USE1: variants seen among roughly 807,000 people sequenced by gnomAD.
USE1 encodes the protein unconventional SNARE in the ER 1.
A neutral mutation model predicts 37.6 loss-of-function variants in USE1; 32 were observed. That is an observed-to-expected ratio of 0.85 (90% confidence interval 0.64 to 1.14). The LOEUF is 1.14. Ranked by LOEUF, USE1 falls within the 50% of genes most tolerant of loss-of-function variation. The pLI is 0.00. For missense variants in USE1, 310 were observed against 332.2 expected, an observed-to-expected ratio of 0.93 and a Z score of 0.52; for synonymous variants, 149 against 137.6, an observed-to-expected ratio of 1.08 and a Z score of -0.58.
chr19:17,218,221 C>G (rs1238251798), intron 5 of USE1, 143 bp from the exon 6 acceptor site: 2 of 1,147,224 alleles, frequency 1.7e-6, no homozygotes, highest in African/African-American at 1.6e-5. Flanking sequence ...AGGGGGTATT[C>G]AAGCATGGTC....
rs772349379 is a variant in USE1, at chr19:17,219,264, A to G, written c.474A>G (p.Leu158=). 4 of 1,613,716 alleles carry G rather than the reference A, an allele frequency of 2.5e-6. No homozygotes were observed. Among genetic ancestry groups the G allele is most frequent in the Non-Finnish European group, 3.4e-6 (4 of 1,179,854 alleles). Residue 158 remains leucine (L), a synonymous_variant, in exon 7 of 8, where the codon CTA becomes CTG. Coordinates refer to ENST00000263897, the MANE Select transcript of USE1 (RefSeq NM_018467.4). ...PVSEKQLAAE[L]DLVLQRHQNL... ...GTGAGAAGCAGTTGGCAGCTGAGCT[A>G]GACCTCGTCCTGCAGCGACATCAGA...
intron 4 of USE1, among the ~76,000 whole-genome samples, chr19:17,217,169 C>G (rs2073295814): frequency 7.0e-6 from 1 of 143,362 alleles, no homozygotes; most frequent in Admixed American, 7.2e-5. Flanking sequence ...GAGATTCGCT[C>G]TTGTTGCCCA....
chr19:17,216,015 A>G lies in USE1; in HGVS notation c.176A>G (p.Asn59Ser), dbSNP rs760225078. 2.0e-5 allele frequency: 32 copies of G among 1,608,722 alleles called. No homozygotes were observed. In the East Asian group the frequency reaches 4.9e-4, roughly 25 times the overall value. Residue 59 changes from asparagine to serine, a missense_variant, in exon 3 of 8, where the codon AAT (asparagine) becomes AGT (serine). By Grantham distance (46) the Asn-to-Ser change is conservative. Coordinates refer to ENST00000263897, the MANE Select transcript of USE1 (RefSeq NM_018467.4). ...AGCAAACCGGCCTCTGAGGTGATCA[A>G]TGAATATTCCTGGAAGGTGGATTTT... ...HASKPASEVI[N>S]EYSWKVDFLK...
intron 2 of USE1, 62 bp downstream of exon 2, chr19:17,215,913 G>C (rs368739262): frequency 2.5e-6 from 4 of 1,586,448 alleles, no homozygotes; most frequent in Admixed American, 1.8e-5. Context: ...GGACATCCCA[G>C]TACCGCTATC....
Position 17,217,434 on chromosome 19 carries a change from CACTT to C in USE1, c.385-14_385-11del. 1.2e-6 allele frequency: 2 copies of C among 1,610,414 alleles called. No individual in the cohort carries two copies. Among genetic ancestry groups the C allele is most frequent in the South Asian group, 2.2e-5 (2 of 90,540 alleles). On this transcript the variant is annotated splice_polypyrimidine_tract_variant and intron_variant, in intron 4 of 7. Coordinates refer to ENST00000263897, the MANE Select transcript of USE1 (RefSeq NM_018467.4). ...TGAGCCACTGCACCCAGCCTCATGC[CACTT>C]ACTTCTTTCCACAGGACTCTGCAGG...
At chr19:17,219,126 CAAAAAA>C in intron 6 of USE1, 81 bp from the exon 7 acceptor site, 2 of 1,320,744 alleles carry the variant, frequency 1.5e-6, no homozygotes, top group Non-Finnish European at 9.9e-7. Flanking sequence ...GACTCTGTAT[CAAAAAA>C]AAAAAAAAAG....
chr19:17,217,298 C>T (rs895056032), intron 4 of USE1, among the ~76,000 whole-genome samples, 155 bp from the exon 5 acceptor site: 15 of 151,838 alleles, frequency 9.9e-5, no homozygotes, highest in African/African-American at 3.6e-4. Context: ...CCACACCTGG[C>T]TAACTTTTTG....
intron 6 of USE1, 114 bp from the exon 7 acceptor site, chr19:17,219,099 C>A (rs2073308566): frequency 8.5e-6 from 12 of 1,411,482 alleles, no homozygotes; most frequent in Non-Finnish European, 1.1e-5. Flanking sequence ...TGCACTCCAG[C>A]CTGGGCAACA....
intron 2 of USE1, 43 bp from the exon 3 acceptor site, chr19:17,215,949 G>C: frequency 1.3e-6 from 2 of 1,583,328 alleles, no homozygotes; most frequent in Non-Finnish European, 1.7e-6. Flanking sequence ...CCCTGAGCTG[G>C]GGACCATGGA....
At position 17,215,849 on chromosome 19, in the gene USE1, G is replaced by C. The variant is rs373693150; in HGVS notation, c.150G>C (p.Ala50=). 1 of 1,608,600 alleles carries C rather than the reference G, an allele frequency of 6.2e-7. No individual in the cohort carries two copies. Among genetic ancestry groups the C allele is most frequent in the African/African-American group, 1.3e-5 (1 of 74,788 alleles). The change falls in exon 2 of 8, where the codon GCG becomes GCC. Residue 50 remains alanine, a splice_region_variant and synonymous_variant. Transcript: ENST00000263897. ...TGTTGCAGGCCCTGAAGGTCCACGC[G>C]AGGTGAGTGCAGGCAGCCTCAGGGC... is the stretch of plus-strand genomic sequence containing the variant. ...EDMLQALKVH[A]SKPASEVINE...
chr19:17,215,481 G>A lies in USE1; in HGVS notation c.76G>A (p.Asp26Asn). The change falls in exon 1 of 8, where the codon GAC becomes AAC. Residue 26 changes from aspartate to asparagine, a missense_variant. By Grantham distance (23) the Asp-to-Asn change is conservative (BLOSUM62 1). Transcript: ENST00000263897. ...RCEAMAAEKR[D>N]PDEWRLEKYV... Reference sequence around the variant, plus strand: ...CGAGGCGATGGCAGCGGAGAAACGGGACCCGGACGAGTGGCGCCTGGAGAA... The same window carrying A: ...CGAGGCGATGGCAGCGGAGAAACGGAACCCGGACGAGTGGCGCCTGGAGAA... 6.4e-7 allele frequency: 1 copy of A among 1,563,412 alleles called. No homozygotes were observed. Among genetic ancestry groups the A allele is most frequent in the African/African-American group, 1.4e-5 (1 of 73,646 alleles).
intron 7 of USE1, 27 bp downstream of exon 7, chr19:17,219,414 C>A: frequency 6.5e-7 from 1 of 1,541,404 alleles, no homozygotes; most frequent in Non-Finnish European, 8.8e-7. Flanking sequence ...AGCTCTCCAG[C>A]CTCTGCCCTG....
chr19:17,215,707 G>T (rs892262573), intron 1 of USE1, 95 bp from the exon 2 acceptor site: 6 of 919,032 alleles, frequency 6.5e-6, no homozygotes, highest in Admixed American at 3.2e-5. Context: ...CCTCCTTTAC[G>T]CTTGACCCCT....
intron 6 of USE1, 149 bp from the exon 7 acceptor site, chr19:17,219,064 T>G (rs1599440911): frequency 8.6e-7 from 1 of 1,158,172 alleles, no homozygotes; most frequent in African/African-American, 1.6e-5. Flanking sequence ...GAGGCAGAGG[T>G]TGCAGTGAGC....
At chr19:17,217,165 C>T (rs2073295760) in intron 4 of USE1, among the ~76,000 whole-genome samples, 1 of 144,336 alleles carries the variant, frequency 6.9e-6, no homozygotes, top group Non-Finnish European at 1.5e-5. Flanking sequence ...GATGGAGATT[C>T]GCTCTTGTTG....
chr19:17,219,350 C>T lies in USE1; in HGVS notation c.560C>T (p.Thr187Ile). ...LGLARSLKTNTLAAQSVIKKD... is the reference protein window; with the variant it reads ...LGLARSLKTNILAAQSVIKKD... ...CTGGCCCGGAGCCTCAAGACCAATA[C>T]CCTGGCCGCCCAGAGTGTCATCAAG... Residue 187 changes from threonine to isoleucine, a missense_variant, in exon 7 of 8, where the codon ACC becomes ATC. By Grantham distance (89) the Thr-to-Ile change is moderately conservative. Transcript: ENST00000263897. 1 of 1,575,770 alleles carries T rather than the reference C, an allele frequency of 6.3e-7. No homozygotes were observed. Among genetic ancestry groups the T allele is most frequent in the Non-Finnish European group, 8.6e-7 (1 of 1,160,664 alleles).
rs969937485 is a variant in USE1, at chr19:17,219,573, TAG to T, written c.598-51_598-50del. 8.5e-6 allele frequency: 13 copies of T among 1,532,864 alleles called. No individual in the cohort carries two copies. In the African/African-American group the frequency reaches 1.7e-4, roughly 19 times the overall value. The allele number at this position is 1,532,864 out of a possible 1,614,324, so 95.0% of individuals were successfully genotyped here. On this transcript the variant is annotated intron_variant, in intron 7 of 7. Transcript: ENST00000263897. The stretch of plus-strand genomic sequence containing the variant: ...GAGGTGCAGGCCAGTCCCAGGGAAG[TAG>T]AGAGAGGCCATTCTTGGCCCCAGTC...
Position 17,216,049 on chromosome 19 carries a change from G to A in USE1, c.210G>A (p.Gly70=). Residue 70 remains glycine (G), a synonymous_variant, in exon 3 of 8, where the codon GGG becomes GGA. Coordinates refer to ENST00000263897, the MANE Select transcript of USE1 (RefSeq NM_018467.4). ...CCTGGAAGGTGGATTTTCTGAAGGG[G>A]ATGCTGCAAGCCGAGAAGCTGGTGA... ...EYSWKVDFLK[G]MLQAEKLTSS... The A allele has an allele frequency of 2.5e-6, 4 of 1,612,022 alleles. No homozygotes were observed. Among genetic ancestry groups the A allele is most frequent in the Non-Finnish European group, 3.4e-6 (4 of 1,179,152 alleles).
In USE1 at chr19:17,215,813, C is replaced by T. The variant is rs1432289616; in HGVS notation, c.114C>T (p.Ala38=). The change falls in exon 2 of 8, where the codon GCC becomes GCT. Residue 38 remains alanine (A), a synonymous_variant. Coordinates refer to ENST00000263897, the MANE Select transcript of USE1 (RefSeq NM_018467.4). ...CTTTTCCTCCCCAGTACGTGGGAGC[C>T]CTAGAGGACATGTTGCAGGCCCTGA... ...DEWRLEKYVG[A]LEDMLQALKV... 5 of 1,610,640 alleles carry T rather than the reference C, an allele frequency of 3.1e-6. No individual in the cohort carries two copies. Among genetic ancestry groups the T allele is most frequent in the African/African-American group, 1.3e-5 (1 of 74,730 alleles).
Sources: gnomAD v4.1 joint callset for allele counts (sites outside exome capture counted in the v4.1 genomes callset) on GRCh38, gnomAD v4.1.1 for gene constraint, MANE v1.5 for transcripts, NCBI Gene and HGNC (gene_info 2026-07-23, HGNC 2026-07-21) for gene names.